GABRB2: variants seen among roughly 807,000 people sequenced by gnomAD.
GABRB2 encodes gamma-aminobutyric acid receptor subunit beta-2.
GABRB2 carries 16 observed loss-of-function variants against 54.7 expected under a neutral mutation model. The ratio of observed to expected loss-of-function variants is 0.29; its 90% CI spans 0.20 to 0.44. The LOEUF is 0.44. GABRB2 is among the 20% of genes least tolerant of loss of function. The pLI, the probability that GABRB2 is intolerant of heterozygous loss-of-function variation, is 1.00. For synonymous variants in GABRB2, 244 were observed against 233.8 expected (o/e 1.04, Z -0.40); for missense variants, 355 against 644.0 (o/e 0.55, Z 4.86).
chr5:161,383,071 G>A (rs112538919), intron 5 of GABRB2, among the ~76,000 whole-genome samples: 6 of 152,150 alleles, frequency 3.9e-5, no homozygotes, highest in African/African-American at 1.2e-4. Context: ...TTTAAAATAC[G>A]TAATTGACAA....
At chr5:161,446,955 C>T (rs1434031830) in intron 4 of GABRB2, among the ~76,000 whole-genome samples, 1 of 150,534 alleles carries the variant, frequency 6.6e-6, no homozygotes, top group Non-Finnish European at 1.5e-5. Flanking sequence ...GAATTTACCA[C>T]CACCATTTTC....
chr5:161,492,209 A>G (rs996290073), intron 3 of GABRB2, among the ~76,000 whole-genome samples: 6 of 151,634 alleles, frequency 4.0e-5, no homozygotes, highest in Admixed American at 6.6e-5. Context: ...CATCATGCCT[A>G]TAATCCAAGC....
intron 3 of GABRB2, among the ~76,000 whole-genome samples, chr5:161,472,023 T>C (rs115016609): frequency 1.1e-3 from 168 of 152,020 alleles, no homozygotes; most frequent in African/African-American, 4.0e-3. Flanking sequence ...GGCATGCTAC[T>C]TAACCTTCCC....
chr5:161,425,384 A>G (rs1297384706), intron 4 of GABRB2, among the ~76,000 whole-genome samples: 1 of 152,034 alleles, frequency 6.6e-6, no homozygotes, highest in African/African-American at 2.4e-5. Flanking sequence ...CAAATCAGCA[A>G]TCACCATCCT....
At chr5:161,400,203 G>C (rs1756140353) in intron 5 of GABRB2, among the ~76,000 whole-genome samples, 1 of 152,270 alleles carries the variant, frequency 6.6e-6, no homozygotes, top group African/African-American at 2.4e-5. Context: ...TTCAGGGAAG[G>C]TGTGTGGGTG....
chr5:161,341,166 C>T (rs1754144015), intron 5 of GABRB2, among the ~76,000 whole-genome samples: 1 of 151,914 alleles, frequency 6.6e-6, no homozygotes, highest in African/African-American at 2.4e-5. Flanking sequence ...TAAAGCAGAC[C>T]TTGTTTTCTT....
chr5:161,477,460 T>C lies in GABRB2; in HGVS notation c.238-17616A>G, dbSNP rs116414067. On this transcript the variant is annotated intron_variant, in intron 3 of 9. Coordinates refer to ENST00000393959, the MANE Select transcript of GABRB2 (RefSeq NM_001371727.1). ...TCCAGCAAGCCAAGTTCTGGCTATA[T>C]ATATCCAAAATAATTGAAAGTAGGA... 5.5e-3 allele frequency among the ~76,000 whole-genome samples: 834 copies of C among 151,962 alleles called. 9 individuals are homozygous for C. The highest frequency in any genetic ancestry group is 0.019 in the African/African-American group (791 of 41,512).
rs1757302495 is a variant in GABRB2 at position 161,293,900 on chromosome 5, T to A, written c.*181A>T. On this transcript the variant is annotated 3_prime_UTR_variant, in exon 10 of 10. Coordinates refer to ENST00000393959, the MANE Select transcript of GABRB2 (RefSeq NM_001371727.1). Reference sequence around the variant, plus strand: ...AACTGGAAAACCACAAGGACCTTAGTGTATTCATTACTTAGCAGAAGCAAC... The same window carrying A: ...AACTGGAAAACCACAAGGACCTTAGAGTATTCATTACTTAGCAGAAGCAAC... 2 of 588,118 alleles carry A rather than the reference T, an allele frequency of 3.4e-6. No individual in the cohort carries two copies. Among genetic ancestry groups the A allele is most frequent in the Admixed American group, 6.0e-5 (2 of 33,204 alleles). 36.4% of individuals were successfully genotyped at this position (588,118 alleles called of 1,614,324 possible).
chr5:161,444,730 A>C (rs1757566963), intron 4 of GABRB2, among the ~76,000 whole-genome samples: 1 of 152,152 alleles, frequency 6.6e-6, no homozygotes, highest in African/African-American at 2.4e-5. Flanking sequence ...TTACCAATAC[A>C]GTGAAATGCC....
intron 5 of GABRB2, among the ~76,000 whole-genome samples, chr5:161,408,952 T>C (rs939326548): frequency 3.9e-5 from 6 of 152,086 alleles, no homozygotes; most frequent in African/African-American, 1.4e-4. Flanking sequence ...TCAATATGTT[T>C]AGTTAGTAGA....
At chr5:161,385,698 A>G (rs923133041) in intron 5 of GABRB2, among the ~76,000 whole-genome samples, 2 of 152,202 alleles carry the variant, frequency 1.3e-5, no homozygotes, top group African/African-American at 4.8e-5. Context: ...TGGGTGACAC[A>G]AACATGATCC....
At chr5:161,451,107 T>C (rs1459785470) in intron 4 of GABRB2, among the ~76,000 whole-genome samples, 2 of 152,300 alleles carry the variant, frequency 1.3e-5, no homozygotes, top group Non-Finnish European at 2.9e-5. Context: ...GTGGTAAAAC[T>C]TTCAGAGTAG....
intron 3 of GABRB2, among the ~76,000 whole-genome samples, chr5:161,529,473 C>A (rs1760391202): frequency 6.6e-6 from 1 of 151,966 alleles, no homozygotes; most frequent in Admixed American, 6.6e-5. Context: ...AGCTCCAGCA[C>A]TTTCTAGCTG....
intron 4 of GABRB2, 80 bp downstream of exon 4, chr5:161,459,544 T>C (rs1259665630): frequency 7.6e-6 from 9 of 1,176,710 alleles, no homozygotes; most frequent in Non-Finnish European, 1.1e-5. Context: ...ATAAGGAAAA[T>C]AGCACAATAT....
chr5:161,440,447 A>G (rs1000837169), intron 4 of GABRB2, among the ~76,000 whole-genome samples: 1 of 152,154 alleles, frequency 6.6e-6, no homozygotes, highest in Non-Finnish European at 1.5e-5. Flanking sequence ...AGCTATACTT[A>G]TACCCGACAA....
At chr5:161,444,337 G>A (rs1296683348) in intron 4 of GABRB2, among the ~76,000 whole-genome samples, 1 of 152,116 alleles carries the variant, frequency 6.6e-6, no homozygotes, top group Non-Finnish European at 1.5e-5. Flanking sequence ...GAATAAAAGA[G>A]AACATCCCTT....
intron 3 of GABRB2, among the ~76,000 whole-genome samples, chr5:161,517,128 T>C (rs986516382): frequency 6.6e-6 from 1 of 152,148 alleles, no homozygotes; most frequent in Admixed American, 6.6e-5. Flanking sequence ...ATGAAGGTTA[T>C]TATATAGAAT....
chr5:161,528,751 T>A (rs2113449127), intron 3 of GABRB2, among the ~76,000 whole-genome samples: 1 of 152,040 alleles, frequency 6.6e-6, no homozygotes, highest in South Asian at 2.1e-4. Flanking sequence ...TAAAATGATT[T>A]TGTTATTAAT....
chr5:161,538,948 G>A (rs1162224840), intron 3 of GABRB2, among the ~76,000 whole-genome samples: 1 of 152,208 alleles, frequency 6.6e-6, no homozygotes, highest in Non-Finnish European at 1.5e-5. Flanking sequence ...TGCTAAATAA[G>A]TTTGTTGAAT....
Sources: allele counts gnomAD v4.1 joint callset (sites outside exome capture counted in the v4.1 genomes callset), GRCh38; gene constraint gnomAD v4.1.1; transcripts MANE v1.5; gene names NCBI Gene and HGNC (gene_info 2026-07-23, HGNC 2026-07-21).